The following ADAP1 variants were observed in gnomAD, a reference collection of about 807,000 sequenced individuals.
The protein encoded by ADAP1 is ArfGAP with dual PH domains 1, also known as arf-GAP with dual PH domain-containing protein 1.
In ADAP1, 31 loss-of-function variants were observed where a neutral mutation model predicts 54.9. The ratio of observed to expected loss-of-function variants is 0.56; its 90% CI spans 0.42 to 0.76. The LOEUF (loss-of-function observed/expected upper bound fraction) is 0.76, where lower values mean the gene tolerates loss of function less well. Ranked by LOEUF, ADAP1 falls within the 30% of genes least tolerant of loss-of-function variation. The pLI is 0.00. For missense variants in ADAP1, 535 were observed against 512.4 expected (o/e 1.04, Z -0.42); for synonymous variants, 313 against 202.6 (o/e 1.55, Z -4.63).
At position 946,359 on chromosome 7, in the gene ADAP1, C is replaced by A. The variant is rs181856404; in HGVS notation, c.82+8037G>T. On this transcript the variant is annotated intron_variant, in intron 1 of 10. Coordinates refer to ENST00000265846, the MANE Select transcript of ADAP1 (RefSeq NM_006869.4). The surrounding 1 kb of genome is among the most constrained non-coding windows in gnomAD (Gnocchi z 4.3). The stretch of plus-strand genomic sequence containing the variant: ...CAGGCCCCAGGCCCCCACCCCCTCA[C>A]GCTCACGGGCGGCCCTGGTCCCATT... Among the ~76,000 whole-genome samples, 1 of 152,184 alleles carries A rather than the reference C, an allele frequency of 6.6e-6. No individual in the cohort carries two copies. Among genetic ancestry groups the A allele is most frequent in the Admixed American group, 6.5e-5 (1 of 15,288 alleles).
intron 4 of ADAP1, among the ~76,000 whole-genome samples, chr7:918,575 G>C (rs542410729): frequency 2.6e-5 from 4 of 152,176 alleles, no homozygotes; most frequent in Non-Finnish European, 5.9e-5. Context: ...TGGGGTTGCA[G>C]GTCCGGGCCC....
At chr7:941,907 C>G (rs1057070599) in intron 1 of ADAP1, among the ~76,000 whole-genome samples, 91 of 152,284 alleles carry the variant, frequency 6.0e-4, no homozygotes, top group African/African-American at 2.0e-3. Flanking sequence ...TAAAAAATTA[C>G]AGTTATCAAG....
intron 5 of ADAP1, 92 bp from the exon 6 acceptor site, chr7:904,364 A>AC: frequency 1.4e-6 from 2 of 1,464,122 alleles, no homozygotes; most frequent in Non-Finnish European, 1.8e-6. Flanking sequence ...CTGGCGGCGC[A>AC]CCTGCTGTGC....
chr7:905,300 G>GT (rs1491493918), intron 4 of ADAP1, 128 bp from the exon 5 acceptor site: 3 of 296,250 alleles, frequency 1.0e-5, no homozygotes, highest in Admixed American at 4.7e-5. Context: ...GACACGGACA[G>GT]GGGGAGACGG....
chr7:930,143 G>A (rs1846523819), intron 2 of ADAP1, among the ~76,000 whole-genome samples: 2 of 140,780 alleles, frequency 1.4e-5, no homozygotes, highest in African/African-American at 5.3e-5. Flanking sequence ...AGGCAGAGAA[G>A]GCCTATTTAT....
At chr7:937,944 C>T (rs1043909177) in intron 1 of ADAP1, among the ~76,000 whole-genome samples, 3 of 152,140 alleles carry the variant, frequency 2.0e-5, no homozygotes, top group Admixed American at 2.0e-4. Flanking sequence ...CAGGTCTCCA[C>T]GGGAGTCATG....
intron 5 of ADAP1, among the ~76,000 whole-genome samples, chr7:904,702 G>C (rs780939710): frequency 8.5e-5 from 13 of 152,222 alleles, no homozygotes; most frequent in Non-Finnish European, 1.3e-4. Context: ...TGTTTGTCCT[G>C]TCCCAGTCCA....
intron 6 of ADAP1, among the ~76,000 whole-genome samples, chr7:901,598 T>C (rs1318420442): frequency 6.6e-6 from 1 of 152,128 alleles, no homozygotes; most frequent in Non-Finnish European, 1.5e-5. Flanking sequence ...AGCAGTGGGA[T>C]TGCCCTGTCC....
At chr7:935,986 C>T (rs1846749248) in intron 1 of ADAP1, among the ~76,000 whole-genome samples, 1 of 152,246 alleles carries the variant, frequency 6.6e-6, no homozygotes, top group South Asian at 2.1e-4. Context: ...CGCTGCACAC[C>T]CCCGAAGGAC....
chr7:905,623 GAAAGGA>G, intron 4 of ADAP1: 3 of 38,902 alleles, frequency 7.7e-5, no homozygotes, highest in African/African-American at 2.3e-4. Context: ...AGGAGAAAGG[GAAAGGA>G]GAAAGGGAAA....
intron 4 of ADAP1, among the ~76,000 whole-genome samples, chr7:918,720 G>C (rs73044410): frequency 0.036 from 5,502 of 152,270 alleles, 207 homozygotes; most frequent in Non-Finnish European, 0.051. Flanking sequence ...TTTCCCTGTC[G>C]ACACGGTGGA....
chr7:945,761 C>T lies in ADAP1; in HGVS notation c.82+8635G>A. On this transcript the variant is annotated intron_variant, in intron 1 of 10. Coordinates refer to ENST00000265846, the MANE Select transcript of ADAP1 (RefSeq NM_006869.4). The surrounding 1 kb of genome is among the most constrained non-coding windows in gnomAD (Gnocchi z 4.2). Reference sequence around the variant, plus strand: ...CTCCTCCCAGCCCCGCTCTGCCCTACCTGCTCCCAGGACGCCCGAGGTGAC... The same window carrying T: ...CTCCTCCCAGCCCCGCTCTGCCCTATCTGCTCCCAGGACGCCCGAGGTGAC... The T allele has an allele frequency of 1.0e-6, 1 of 985,928 alleles. No individual in the cohort carries two copies. The highest frequency in any genetic ancestry group is 1.2e-6 in the Non-Finnish European group (1 of 830,170). The allele number at this position is 985,928 out of a possible 1,614,324, so 61.1% of individuals were successfully genotyped here.
intron 1 of ADAP1, among the ~76,000 whole-genome samples, chr7:953,068 C>T (rs1004230607): frequency 5.9e-5 from 9 of 152,122 alleles, no homozygotes; most frequent in Admixed American, 1.3e-4. Context: ...CTCCCCTCCC[C>T]GTGGGCCACA....
intron 2 of ADAP1, among the ~76,000 whole-genome samples, chr7:928,738 C>T (rs1046446432): frequency 6.6e-6 from 1 of 152,194 alleles, no homozygotes; most frequent in Admixed American, 6.5e-5. Flanking sequence ...GTGATCAGAG[C>T]CCCCGCACGC....
In ADAP1 at chr7:899,275, C is replaced by A. The variant is rs1844658809; in HGVS notation, c.868-14G>T. ...GGCGAAGGCGTCCTGTGGGTGGGGA[C>A]CGCACTGGAGGCGGGGCCATGTCCC... On this transcript the variant is annotated splice_polypyrimidine_tract_variant and intron_variant, in intron 9 of 10. Transcript: ENST00000265846. 1.2e-6 allele frequency: 2 copies of A among 1,612,352 alleles called. No homozygotes were observed. The highest frequency in any genetic ancestry group is 8.5e-7 in the Non-Finnish European group (1 of 1,179,568).
intron 4 of ADAP1, among the ~76,000 whole-genome samples, chr7:908,930 C>T (rs879203105): frequency 1.3e-5 from 2 of 152,190 alleles, no homozygotes; most frequent in Non-Finnish European, 2.9e-5. Context: ...CAGGACACAG[C>T]GGGGGCCCCT....
intron 2 of ADAP1, among the ~76,000 whole-genome samples, chr7:930,403 C>CG: frequency 8.7e-6 from 1 of 114,716 alleles, no homozygotes; most frequent in South Asian, 3.1e-4. Flanking sequence ...CAGGGCCGGG[C>CG]GCGGTGGCTC....
In ADAP1 at chr7:904,944, G is replaced by C. The variant is rs180702640; in HGVS notation, c.501+116C>G. ...CCGGTTCTCCTGGAGCGTCCCCATC[G>C]GGGGGGGCAGCAGGGAGGGCAGCTG... On this transcript the variant is annotated intron_variant, in intron 5 of 10. Coordinates refer to ENST00000265846, the MANE Select transcript of ADAP1 (RefSeq NM_006869.4). 7.2e-6 allele frequency: 6 copies of C among 836,874 alleles called. No homozygotes were observed. The African/African-American group carries it at 7.8e-5, about 11-fold the overall frequency. 51.8% of individuals were successfully genotyped at this position (836,874 alleles called of 1,614,324 possible). A position where few individuals can be genotyped will look rare whatever the true frequency, so the allele number is the denominator to read the frequency against.
intron 1 of ADAP1, among the ~76,000 whole-genome samples, chr7:943,266 G>C (rs1583185816): frequency 9.2e-5 from 3 of 32,576 alleles, no homozygotes; most frequent in Non-Finnish European, 1.1e-4. Flanking sequence ...GAGAGGAGGA[G>C]GAAGGGAGAG....
Sources: allele counts gnomAD v4.1 joint callset (sites outside exome capture counted in the v4.1 genomes callset), GRCh38; gene constraint gnomAD v4.1.1; non-coding constraint Gnocchi (gnomAD v3.1); transcripts MANE v1.5; gene names NCBI Gene and HGNC (gene_info 2026-07-23, HGNC 2026-07-21).